The following CES5A variants were observed in gnomAD, a reference collection of about 807,000 sequenced individuals.
The protein encoded by CES5A is carboxylesterase 5.
A neutral mutation model predicts 62.9 loss-of-function variants in CES5A; 67 were observed. That is an observed-to-expected ratio of 1.07 (90% CI 0.88 to 1.31). The LOEUF is 1.31. CES5A is among the 50% of genes most tolerant of loss of function. CES5A has a pLI of 0.00. For synonymous variants in CES5A, 296 were observed against 280.8 expected (o/e 1.05, Z -0.54); for missense variants, 748 against 708.5 (o/e 1.06, Z -0.63).
chr16:55,899,112 T>C (rs2142440132), intron 1 of CES5A, among the ~76,000 whole-genome samples: 1 of 152,306 alleles, frequency 6.6e-6, no homozygotes, highest in East Asian at 1.9e-4. Flanking sequence ...AGCATGCACC[T>C]GGCCTACCTA....
At chr16:55,913,397 T>C (rs897998273) in intron 1 of CES5A, among the ~76,000 whole-genome samples, 4 of 151,988 alleles carry the variant, frequency 2.6e-5, no homozygotes, top group African/African-American at 4.8e-5. Context: ...CAGGAGCAAT[T>C]TGGGGAGGTT....
intron 5 of CES5A, 118 bp downstream of exon 5, chr16:55,865,845 C>A: frequency 8.7e-7 from 1 of 1,145,094 alleles, no homozygotes; most frequent in Non-Finnish European, 1.3e-6. Context: ...TTGAAAAAGA[C>A]AATGTGTATT....
intron 1 of CES5A, among the ~76,000 whole-genome samples, chr16:55,917,696 C>T (rs1351882860): frequency 6.6e-6 from 1 of 152,104 alleles, no homozygotes; most frequent in Non-Finnish European, 1.5e-5. Flanking sequence ...ATCTCAGGTT[C>T]CATCACCTCT....
Position 55,955,843 on chromosome 16 carries a change from C to A in CES5A, c.42+1G>T, listed in dbSNP as rs762807654. ...AGTAGCACCCTGTGGCTAATACTCA[C>A]CTTTAGGCCATGGCATGAAGCAGGG... is the stretch of plus-strand genomic sequence containing the variant. On this transcript the variant is annotated splice_donor_variant, in intron 1 of 13. Coordinates refer to the CES5A transcript ENST00000521992. LOFTEE classifies it high-confidence loss of function. 5 of 1,536,068 alleles carry A rather than the reference C, an allele frequency of 3.3e-6. No homozygotes were observed. Among genetic ancestry groups the A allele is most frequent in the Non-Finnish European group, 4.4e-6 (5 of 1,146,864 alleles).
intron 1 of CES5A, among the ~76,000 whole-genome samples, chr16:55,916,094 A>G (rs2034145715): frequency 6.6e-6 from 1 of 152,172 alleles, no homozygotes; most frequent in East Asian, 1.9e-4. Flanking sequence ...TTGGCAAGCC[A>G]GGGATTCTAC....
At chr16:55,912,721 C>G (rs1392631825) in intron 1 of CES5A, among the ~76,000 whole-genome samples, 2 of 152,168 alleles carry the variant, frequency 1.3e-5, no homozygotes, top group African/African-American at 4.8e-5. Context: ...TGGCTATATT[C>G]TTTACCTGCT....
Position 55,865,962 on chromosome 16 carries a change from C to A in CES5A, c.705+1G>T, listed in dbSNP as rs1567330317. On this transcript the variant is annotated splice_donor_variant, in intron 5 of 12. Transcript: ENST00000290567. LOFTEE classifies it high-confidence loss of function. ...TTCAAACCACAAAGCAGAGAACTCA[C>A]AAGACTAGAAACACTTATGGCTCCC... is the stretch of plus-strand genomic sequence containing the variant. 6.2e-7 allele frequency: 1 copy of A among 1,614,174 alleles called. No homozygotes were observed. Among genetic ancestry groups the A allele is most frequent in the South Asian group, 1.1e-5 (1 of 91,072 alleles).
chr16:55,943,422 C>A (rs991264280), intron 2 of CES5A, among the ~76,000 whole-genome samples: 1 of 152,220 alleles, frequency 6.6e-6, no homozygotes, highest in Non-Finnish European at 1.5e-5. Context: ...GCCAGTGCTC[C>A]TTATGCAATG....
At chr16:55,905,571 T>C (rs2034032801) in intron 1 of CES5A, among the ~76,000 whole-genome samples, 1 of 152,072 alleles carries the variant, frequency 6.6e-6, no homozygotes, top group Admixed American at 6.5e-5. Flanking sequence ...TTTACCATGT[T>C]GGTCAGGCTC....
intron 2 of CES5A, among the ~76,000 whole-genome samples, chr16:55,939,783 C>G (rs1399526715): frequency 6.6e-6 from 1 of 151,672 alleles, no homozygotes; most frequent in Non-Finnish European, 1.5e-5. Context: ...ATAAAACAAG[C>G]TTTAACCAAT....
At position 55,871,772 on chromosome 16, in the gene CES5A, A is replaced by G; in HGVS notation, c.279-9T>C. The G allele has an allele frequency of 6.2e-7, 1 of 1,613,486 alleles. No individual in the cohort carries two copies. Among genetic ancestry groups the G allele is most frequent in the African/African-American group, 1.3e-5 (1 of 75,040 alleles). On this transcript the variant is annotated splice_polypyrimidine_tract_variant and intron_variant, in intron 2 of 12. Transcript: ENST00000290567. Reference sequence around the variant, plus strand: ...CTGAGTTCTGGAGGCACCTTGGAGAAGGAGAGGAGAAAACCCTCAGAAAAA... The same window carrying G: ...CTGAGTTCTGGAGGCACCTTGGAGAGGGAGAGGAGAAAACCCTCAGAAAAA...
At chr16:55,863,303 C>T (rs753740043) in intron 6 of CES5A, 45 bp downstream of exon 6, 7 of 1,035,826 alleles carry the variant, frequency 6.8e-6, no homozygotes, top group African/African-American at 1.6e-5. Flanking sequence ...ACATTCTCTG[C>T]TAACTGAGGA....
intron 2 of CES5A, chr16:55,949,650 C>A: frequency 2.4e-6 from 1 of 417,946 alleles, no homozygotes; most frequent in Non-Finnish European, 4.2e-6. Flanking sequence ...ATAAGAACAT[C>A]TTGACAATGA....
chr16:55,905,135 G>A (rs531296971), intron 1 of CES5A, among the ~76,000 whole-genome samples: 3 of 152,142 alleles, frequency 2.0e-5, no homozygotes, highest in Non-Finnish European at 4.4e-5. Context: ...GCAGCCCAGG[G>A]CAAGAAGTTC....
intron 1 of CES5A, among the ~76,000 whole-genome samples, chr16:55,903,969 C>T (rs1485550739): frequency 6.6e-6 from 1 of 152,102 alleles, no homozygotes; most frequent in African/African-American, 2.4e-5. Flanking sequence ...TTGTAGGCAC[C>T]TAATAACATA....
chr16:55,931,368 G>A (rs2034310155), intron 2 of CES5A, among the ~76,000 whole-genome samples: 1 of 152,168 alleles, frequency 6.6e-6, no homozygotes, highest in African/African-American at 2.4e-5. Context: ...ACCTCACCAT[G>A]ATGCCCAAAA....
At chr16:55,871,905 A>T in intron 2 of CES5A, 142 bp from the exon 3 acceptor site, 1 of 756,922 alleles carries the variant, frequency 1.3e-6, no homozygotes, top group Non-Finnish European at 2.1e-6. Context: ...AAGTCCAATC[A>T]TGCCCAAACC....
chr16:55,880,763 C>T (rs12926907), intron 1 of CES5A, among the ~76,000 whole-genome samples: 48,085 of 151,962 alleles, frequency 0.32, 8,376 homozygotes, highest in East Asian at 0.52. Flanking sequence ...GTGATGGCTG[C>T]CTTTTGTTAA....
intron 2 of CES5A, among the ~76,000 whole-genome samples, chr16:55,935,309 G>A (rs1164203129): frequency 3.9e-5 from 6 of 152,196 alleles, no homozygotes; most frequent in Non-Finnish European, 8.8e-5. Flanking sequence ...AAAACAGGCA[G>A]AAAGAGTTTC....
Sources: allele counts gnomAD v4.1 joint callset (sites outside exome capture counted in the v4.1 genomes callset), GRCh38; gene constraint gnomAD v4.1.1; transcripts MANE v1.5; gene names NCBI Gene and HGNC (gene_info 2026-07-23, HGNC 2026-07-21).